The following EPHA6 variants were observed in gnomAD, a reference collection of about 807,000 sequenced individuals.
EPHA6 encodes EPH receptor A6, also known as ephrin type-A receptor 6.
A neutral mutation model predicts 112.0 loss-of-function variants in EPHA6; 50 were observed. That is an observed-to-expected ratio of 0.45 (90% CI 0.36 to 0.56). The LOEUF is 0.56. Among genes scored for constraint, EPHA6 ranks in the 20% least tolerant of loss-of-function variants. EPHA6 has a pLI of 0.00. For synonymous variants in EPHA6, 529 were observed against 490.7 expected (o/e 1.08, Z -1.03); for missense variants, 1,280 against 1,417.4 (o/e 0.90, Z 1.56).
intron 2 of EPHA6, among the ~76,000 whole-genome samples, chr3:96,955,326 TGGA>T (rs2041715566): frequency 1.3e-5 from 2 of 152,236 alleles, no homozygotes; most frequent in Non-Finnish European, 2.9e-5. Context: ...TTCATTTATT[TGGA>T]TTTCCATATA....
intron 2 of EPHA6, among the ~76,000 whole-genome samples, chr3:96,873,901 C>T (rs999545535): frequency 8.5e-5 from 13 of 152,054 alleles, no homozygotes; most frequent in African/African-American, 2.2e-4. Context: ...ACATACTTTT[C>T]GTGATCTCAA....
intron 5 of EPHA6, among the ~76,000 whole-genome samples, chr3:97,341,249 G>A (rs952336112): frequency 6.6e-6 from 1 of 152,034 alleles, no homozygotes; most frequent in African/African-American, 2.4e-5. Flanking sequence ...AGAGGTTCTG[G>A]GTACTTTAAA....
chr3:97,176,498 G>T (rs1173261613), intron 3 of EPHA6, among the ~76,000 whole-genome samples: 1 of 151,706 alleles, frequency 6.6e-6, no homozygotes, highest in African/African-American at 2.4e-5. Flanking sequence ...GACTGGTAGG[G>T]TTCAGCAGTG....
intron 3 of EPHA6, among the ~76,000 whole-genome samples, chr3:97,194,480 G>A (rs1037323830): frequency 2.0e-5 from 3 of 151,856 alleles, no homozygotes; most frequent in Non-Finnish European, 4.4e-5. Flanking sequence ...TTGTTTCATG[G>A]CCTAACATAT....
At chr3:97,418,575 T>C (rs778107661) in intron 6 of EPHA6, among the ~76,000 whole-genome samples, 11 of 152,104 alleles carry the variant, frequency 7.2e-5, no homozygotes, top group Non-Finnish European at 1.6e-4. Context: ...CAACCCAGAA[T>C]GATATATGCC....
chr3:97,051,068 A>G (rs894003779), intron 3 of EPHA6, among the ~76,000 whole-genome samples: 2 of 152,172 alleles, frequency 1.3e-5, no homozygotes, highest in African/African-American at 2.4e-5. Context: ...CAATGATAAT[A>G]TTTTAGACAG....
At chr3:97,713,088 G>T (rs1481695505) in intron 14 of EPHA6, among the ~76,000 whole-genome samples, 1 of 152,106 alleles carries the variant, frequency 6.6e-6, no homozygotes, top group Non-Finnish European at 1.5e-5. Flanking sequence ...GTTAGGGTGG[G>T]GGAGGGATAG....
At chr3:97,441,691 A>G (rs1357418472) in intron 6 of EPHA6, among the ~76,000 whole-genome samples, 4 of 152,078 alleles carry the variant, frequency 2.6e-5, no homozygotes, top group Non-Finnish European at 5.9e-5. Context: ...ATATTTAGGT[A>G]TTATAAGGTT....
chr3:96,937,927 G>A (rs1287916788), intron 2 of EPHA6, among the ~76,000 whole-genome samples: 3 of 152,140 alleles, frequency 2.0e-5, no homozygotes, highest in South Asian at 2.1e-4. Flanking sequence ...TAGATACGCG[G>A]CATTATTTCT....
chr3:97,189,297 T>C lies in EPHA6; in HGVS notation c.1115-36967T>C, dbSNP rs1403489773. ...AAGAAAGGTGTTCTTTAAATACTTATTTTAAATTGTTTGAGAAATAGCCCT... is the reference window on the plus strand; with the variant it reads ...AAGAAAGGTGTTCTTTAAATACTTACTTTAAATTGTTTGAGAAATAGCCCT... On this transcript the variant is annotated intron_variant, in intron 3 of 17. Transcript: ENST00000389672. Among the ~76,000 whole-genome samples, 4 of 152,042 alleles carry C rather than the reference T, an allele frequency of 2.6e-5. No homozygotes were observed. The East Asian group carries it at 7.7e-4, about 29-fold the overall frequency.
intron 5 of EPHA6, among the ~76,000 whole-genome samples, chr3:97,280,531 C>A (rs928121805): frequency 6.6e-6 from 1 of 151,998 alleles, no homozygotes; most frequent in African/African-American, 2.4e-5. Flanking sequence ...CTTCATTTTT[C>A]TGAGCCTTTT....
intron 2 of EPHA6, among the ~76,000 whole-genome samples, chr3:96,974,093 T>C (rs145031424): frequency 3.4e-5 from 5 of 146,206 alleles, no homozygotes; most frequent in African/African-American, 1.2e-4. Context: ...TAATTATAAA[T>C]AATATAATGA....
chr3:96,966,816 T>A (rs2107769481), intron 2 of EPHA6, among the ~76,000 whole-genome samples: 1 of 152,180 alleles, frequency 6.6e-6, no homozygotes, highest in African/African-American at 2.4e-5. Context: ...TATATAATTA[T>A]TCATTTTTCT....
At chr3:96,837,552 CAG>C (rs1007943635) in intron 1 of EPHA6, among the ~76,000 whole-genome samples, 13 of 152,030 alleles carry the variant, frequency 8.6e-5, no homozygotes, top group East Asian at 3.9e-4. Flanking sequence ...AGATTGGAGA[CAG>C]GGGAGCAATT....
chr3:97,686,818 A>G (rs1238596830), intron 14 of EPHA6, among the ~76,000 whole-genome samples: 3 of 152,200 alleles, frequency 2.0e-5, no homozygotes, highest in Non-Finnish European at 4.4e-5. Flanking sequence ...ATCAGGGAAC[A>G]CTGAATCTTG....
At chr3:97,648,530 C>T (rs2094084692) in intron 14 of EPHA6, 2 of 1,270,372 alleles carry the variant, frequency 1.6e-6, no homozygotes, top group Non-Finnish European at 2.0e-6. Context: ...AAGCCTTGAA[C>T]ATGTCCAACT....
intron 3 of EPHA6, among the ~76,000 whole-genome samples, chr3:97,067,954 A>T (rs956959329): frequency 1.5e-4 from 23 of 151,964 alleles, no homozygotes; most frequent in African/African-American, 5.3e-4. Flanking sequence ...AGACCAGCCT[A>T]GCCAACATGA....
chr3:97,110,850 A>T (rs1035919871), intron 3 of EPHA6, among the ~76,000 whole-genome samples: 2 of 152,172 alleles, frequency 1.3e-5, no homozygotes, highest in African/African-American at 4.8e-5. Context: ...TAAAAAGGAA[A>T]AACTTGGAAT....
chr3:97,200,148 T>C (rs1041332121), intron 3 of EPHA6, among the ~76,000 whole-genome samples: 1 of 152,156 alleles, frequency 6.6e-6, no homozygotes, highest in African/African-American at 2.4e-5. Context: ...AGATTGTGAA[T>C]GGTCTTAAAC....
Sources: allele counts gnomAD v4.1 joint callset (sites outside exome capture counted in the v4.1 genomes callset), GRCh38; gene constraint gnomAD v4.1.1; transcripts MANE v1.5; gene names NCBI Gene and HGNC (gene_info 2026-07-23, HGNC 2026-07-21).